ETV7: variants seen among roughly 807,000 people sequenced by gnomAD.
ETV7 encodes the protein ETS variant transcription factor 7.
ETV7 carries 43 observed loss-of-function variants against 39.1 expected under a neutral mutation model. That is an observed-to-expected ratio of 1.10 (90% CI 0.86 to 1.42). ETV7 has a LOEUF of 1.42. Ranked by LOEUF, ETV7 falls within the 40% of genes most tolerant of loss-of-function variation. The pLI, the probability that ETV7 is intolerant of heterozygous loss-of-function variation, is 0.00. For synonymous variants in ETV7, 196 were observed against 176.6 expected (o/e 1.11, Z -0.87); for missense variants, 432 against 442.3 (o/e 0.98, Z 0.21).
chr6:36,361,192 A>C (rs1354585788), intron 7 of ETV7, among the ~76,000 whole-genome samples: 2 of 152,096 alleles, frequency 1.3e-5, no homozygotes. Flanking sequence ...CTCCTCACTC[A>C]AGTTCTGGGG....
At position 36,366,648 on chromosome 6, in the gene ETV7, C is replaced by T. The variant is rs746681639; in HGVS notation, c.1023G>A (p.Pro341=). The T allele has an allele frequency of 1.5e-5, 24 of 1,614,040 alleles. No homozygotes were observed. The Admixed American group carries it at 1.5e-4, about 10-fold the overall frequency. ...GTGCCTGGAGTCCACCTGCCCCTCA[C>T]GGAGAGATTTCTGGCCTCTTGTCCT... is the stretch of plus-strand genomic sequence containing the variant. ...EFKDKRPEIS[P] The change falls in exon 8 of 8, where the codon CCG becomes CCA. Residue 341 remains proline (P), a synonymous_variant. Transcript: ENST00000340181.
chr6:36,373,459 G>T lies in ETV7; in HGVS notation c.427C>A (p.Pro143Thr). 6.4e-7 allele frequency: 1 copy of T among 1,559,530 alleles called. No homozygotes were observed. ...KTPTQHSPVP[P>T]EEVTGPSQMD... ...CCACAGAGAGCTTCCTCACCTTCCG[G>T]GGGGACTGGAGAGTGCTGGGTGGGC... The change falls in exon 4 of 8, where the codon CCG (proline) becomes ACG (threonine). Residue 143 changes from proline to threonine, a missense_variant. Transcript: ENST00000340181.
chr6:36,387,019 T>A (rs767648754), intron 1 of ETV7: 1 of 172,592 alleles, frequency 5.8e-6, no homozygotes, highest in African/African-American at 2.4e-5. Context: ...GGTTTCAGCA[T>A]GGAGGCCAGG....
At chr6:36,378,282 A>C (rs1285072011) in intron 2 of ETV7, among the ~76,000 whole-genome samples, 1 of 152,150 alleles carries the variant, frequency 6.6e-6, no homozygotes, top group East Asian at 1.9e-4. Context: ...GGAAAAAAAT[A>C]CATTTGGGTC....
intron 2 of ETV7, among the ~76,000 whole-genome samples, chr6:36,379,483 G>A (rs984484243): frequency 1.3e-5 from 2 of 151,714 alleles, no homozygotes; most frequent in East Asian, 1.9e-4. Flanking sequence ...AAGAGTTCAC[G>A]GATGCAATGA....
intron 6 of ETV7, 48 bp from the exon 7 acceptor site, chr6:36,367,023 T>C: frequency 3.5e-6 from 5 of 1,410,220 alleles, no homozygotes; most frequent in Non-Finnish European, 4.0e-6. Context: ...CATGTCCTGC[T>C]CCTTCCACAC....
Position 36,366,384 on chromosome 6 carries a change from T to C in ETV7, c.*261A>G. 1 of 1,292,084 alleles carries C rather than the reference T, an allele frequency of 7.7e-7. No homozygotes were observed. Among genetic ancestry groups the C allele is most frequent in the Non-Finnish European group, 9.8e-7 (1 of 1,015,412 alleles). 80.0% of individuals were successfully genotyped at this position (1,292,084 alleles called of 1,614,324 possible). A position where few individuals can be genotyped will look rare whatever the true frequency, so the allele number is the denominator to read the frequency against. On this transcript the variant is annotated 3_prime_UTR_variant, in exon 8 of 8. Coordinates refer to ENST00000340181, the MANE Select transcript of ETV7 (RefSeq NM_016135.4). The stretch of plus-strand genomic sequence containing the variant: ...CTGGGTGCTCTATCGGTGCCTGGCT[T>C]CCTCTCCCAGGGGTGCAGTAGGGGA...
At chr6:36,375,212 A>C (rs1476949696) in intron 3 of ETV7, among the ~76,000 whole-genome samples, 1 of 152,214 alleles carries the variant, frequency 6.6e-6, no homozygotes. Context: ...GGAACACAGA[A>C]AACATGAGCG....
chr6:36,385,511 C>T, intron 2 of ETV7, 23 bp downstream of exon 2: 1 of 1,614,128 alleles, frequency 6.2e-7, no homozygotes, highest in Non-Finnish European at 8.5e-7. Context: ...AAAAACTCAG[C>T]TTTTCTCCTC....
At chr6:36,383,312 C>A (rs540620167) in intron 2 of ETV7, among the ~76,000 whole-genome samples, 14 of 152,212 alleles carry the variant, frequency 9.2e-5, no homozygotes, top group African/African-American at 3.4e-4. Flanking sequence ...TCCCAGTAGA[C>A]CTCCTGACCC....
chr6:36,383,580 A>G (rs937564756), intron 2 of ETV7, among the ~76,000 whole-genome samples: 8 of 152,212 alleles, frequency 5.3e-5, no homozygotes, highest in East Asian at 3.8e-4. Context: ...GGGAATAAAC[A>G]TCAGAGAGAT....
chr6:36,371,626 A>C, intron 4 of ETV7, 66 bp from the exon 5 acceptor site: 1 of 1,367,942 alleles, frequency 7.3e-7, no homozygotes, highest in Non-Finnish European at 1.0e-6. Flanking sequence ...TCAATCCCTC[A>C]ATGGTGAGCC....
chr6:36,386,959 T>G (rs1773934680), intron 1 of ETV7: 1 of 165,264 alleles, frequency 6.1e-6, no homozygotes, highest in African/African-American at 2.4e-5. Flanking sequence ...TCCGAGGCTG[T>G]AACTGCCTGG....
chr6:36,375,941 C>T lies in ETV7; in HGVS notation c.237G>A (p.Gly79=), dbSNP rs1395656131. ...AGAGGGCGCGTCCGTTCATCTCGAA[C>T]CCGTGCTCCGCGGTGCATGGCAGAG... ...EYSLPCTAEH[G]FEMNGRALCI... Residue 79 remains glycine (G), a synonymous_variant, in exon 3 of 8, where the codon GGG becomes GGA. Transcript: ENST00000340181. 1.2e-6 allele frequency: 2 copies of T among 1,613,760 alleles called. No individual in the cohort carries two copies. Among genetic ancestry groups the T allele is most frequent in the Non-Finnish European group, 1.7e-6 (2 of 1,180,042 alleles).
At chr6:36,373,008 G>C (rs1266271349) in intron 4 of ETV7, among the ~76,000 whole-genome samples, 1 of 151,832 alleles carries the variant, frequency 6.6e-6, no homozygotes, top group East Asian at 2.0e-4. Context: ...GTGGGGTAGA[G>C]GAGACCAGGT....
At chr6:36,384,922 G>A (rs1431807298) in intron 2 of ETV7, among the ~76,000 whole-genome samples, 4 of 151,916 alleles carry the variant, frequency 2.6e-5, no homozygotes, top group Non-Finnish European at 4.4e-5. Context: ...CAAAGAAACA[G>A]CAAACAGAGG....
intron 1 of ETV7, among the ~76,000 whole-genome samples, 190 bp from the exon 2 acceptor site, chr6:36,385,859 A>C (rs1460814684): frequency 2.0e-5 from 3 of 152,254 alleles, no homozygotes; most frequent in African/African-American, 7.2e-5. Context: ...CCCAGTGGAC[A>C]CAATAAATGA....
chr6:36,356,769 A>C (rs1344753867), intron 7 of ETV7, among the ~76,000 whole-genome samples: 1 of 152,212 alleles, frequency 6.6e-6, no homozygotes, highest in Non-Finnish European at 1.5e-5. Flanking sequence ...CAAAGTTATT[A>C]CCAGGAGGAT....
chr6:36,356,282 C>G lies in ETV7; in HGVS notation c.909-1595G>C, dbSNP rs1250741746. ...GAAACAATGATGAGCAATGATGGCACCATTGCACTCCAGCCTGGGTAAAAG... is the reference window on the plus strand; with the variant it reads ...GAAACAATGATGAGCAATGATGGCAGCATTGCACTCCAGCCTGGGTAAAAG... On this transcript the variant is annotated intron_variant, in intron 7 of 7. Transcript: ENST00000339796. Among the ~76,000 whole-genome samples, 4 of 145,254 alleles carry G rather than the reference C, an allele frequency of 2.8e-5. No homozygotes were observed. The East Asian group carries it at 8.2e-4, about 30-fold the overall frequency.
Sources: gnomAD v4.1 joint callset for allele counts (sites outside exome capture counted in the v4.1 genomes callset) on GRCh38, gnomAD v4.1.1 for gene constraint, MANE v1.5 for transcripts, NCBI Gene and HGNC (gene_info 2026-07-23, HGNC 2026-07-21) for gene names.